ANKRD13C: variants seen among roughly 807,000 people sequenced by gnomAD.
ANKRD13C encodes the protein ankyrin repeat domain 13C.
Under a neutral mutation model 65.5 loss-of-function variants are expected in ANKRD13C, and 16 were observed. That is an observed-to-expected ratio of 0.24 (90% CI 0.17 to 0.37). ANKRD13C has a LOEUF of 0.37. ANKRD13C is among the 10% of genes least tolerant of loss of function. ANKRD13C has a pLI of 1.00. For missense variants in ANKRD13C, 503 were observed against 655.9 expected (o/e 0.77, Z 2.55); for synonymous variants, 235 against 238.7 (o/e 0.98, Z 0.14).
chr1:70,312,846 C>T (rs1397664699), intron 5 of ANKRD13C, among the ~76,000 whole-genome samples: 1 of 149,152 alleles, frequency 6.7e-6, no homozygotes, highest in East Asian at 2.0e-4. Context: ...AGTTTTCTCT[C>T]TAGTGGACTC....
At chr1:70,331,939 A>T (rs1204712843) in intron 2 of ANKRD13C, among the ~76,000 whole-genome samples, 2 of 152,146 alleles carry the variant, frequency 1.3e-5, no homozygotes, top group Admixed American at 1.3e-4. Context: ...CAGACTTTCA[A>T]GTTTGTTTGA....
chr1:70,276,668 T>G (rs1019456076), intron 10 of ANKRD13C, 97 bp downstream of exon 10: 2 of 985,670 alleles, frequency 2.0e-6, no homozygotes, highest in African/African-American at 3.3e-5. Flanking sequence ...CCAATAATTC[T>G]CTCCAAAATA....
chr1:70,311,189 C>A (rs1466758018), intron 5 of ANKRD13C, among the ~76,000 whole-genome samples: 1 of 152,092 alleles, frequency 6.6e-6, no homozygotes, highest in African/African-American at 2.4e-5. Flanking sequence ...AAGATGCCTA[C>A]TATGGGTTGA....
At chr1:70,324,701 C>T in intron 3 of ANKRD13C, 152 bp downstream of exon 3, 1 of 475,928 alleles carries the variant, frequency 2.1e-6, no homozygotes, top group Non-Finnish European at 3.6e-6. Flanking sequence ...ACTCAATGTT[C>T]AAGTTCCTAA....
In ANKRD13C at chr1:70,261,301, T is replaced by G. The variant is rs1678381591; in HGVS notation, c.*1416A>C. 1 of 152,094 alleles carries G rather than the reference T, an allele frequency of 6.6e-6. No homozygotes were observed. The highest frequency in any genetic ancestry group is 6.5e-5 in the Admixed American group (1 of 15,276). The allele number at this position is 152,094 out of a possible 1,614,324, so 9.4% of individuals were successfully genotyped here. ...TATGCTTTGGATTTTTAAATCATAT[T>G]TTCAATAAGGGTCTCTAAACTCCTT... On this transcript the variant is annotated 3_prime_UTR_variant, in exon 13 of 13. Coordinates refer to ENST00000370944, the MANE Select transcript of ANKRD13C (RefSeq NM_030816.5).
At position 70,344,295 on chromosome 1, in the gene ANKRD13C, C is replaced by CAA. The variant is rs1169730172; in HGVS notation, c.431-8198_431-8197dup. On this transcript the variant is annotated intron_variant, in intron 1 of 12. Coordinates refer to ENST00000370944, the MANE Select transcript of ANKRD13C (RefSeq NM_030816.5). ...TGGGCAACAGAGCAAGATTCCATCT[C>CAA]AAAAAAAAAAAAAAAAAATTAGCTG... 6.7e-3 allele frequency among the ~76,000 whole-genome samples: 571 copies of CAA among 85,630 alleles called. 8 individuals carry two copies. The highest frequency in any genetic ancestry group is 0.024 in the African/African-American group (549 of 22,878). The allele number at this position is 85,630 out of a possible 152,430, so 56.2% of individuals were successfully genotyped here.
intron 8 of ANKRD13C, among the ~76,000 whole-genome samples, chr1:70,295,862 T>C (rs185933653): frequency 9.2e-5 from 14 of 152,296 alleles, no homozygotes; most frequent in Admixed American, 5.2e-4. Context: ...TGTGAAAACA[T>C]TGTTCCCTGT....
At chr1:70,346,736 A>C (rs1682540653) in intron 1 of ANKRD13C, among the ~76,000 whole-genome samples, 1 of 152,084 alleles carries the variant, frequency 6.6e-6, no homozygotes, top group South Asian at 2.1e-4. Flanking sequence ...GTTTCCCCCA[A>C]CTATAGTAGC....
In ANKRD13C at chr1:70,303,032, AAGAC is replaced by A. The variant is rs150292121; in HGVS notation, c.777-2128_777-2125del. 5.3e-3 allele frequency among the ~76,000 whole-genome samples: 800 copies of A among 152,292 alleles called. 9 individuals carry two copies. Among genetic ancestry groups the A allele is most frequent in the African/African-American group, 0.019 (773 of 41,568 alleles). ...AGATGCACAGAAAGACAGATAAAGA[AAGAC>A]AAAGACAGACTGACATGGTGACCTT... On this transcript the variant is annotated intron_variant, in intron 6 of 12. Coordinates refer to ENST00000370944, the MANE Select transcript of ANKRD13C (RefSeq NM_030816.5).
chr1:70,354,351 C>G lies in ANKRD13C; in HGVS notation c.58G>C (p.Gly20Arg), dbSNP rs946196088. 1.2e-6 allele frequency: 2 copies of G among 1,614,136 alleles called. No individual in the cohort carries two copies. The highest frequency in any genetic ancestry group is 1.7e-5 in the Admixed American group (1 of 60,026). The change falls in exon 1 of 13, where the codon GGG becomes CGG. Residue 20 changes from glycine to arginine, a missense_variant. Transcript: ENST00000370944. ...TCATCCCCGGGCTCCAGCAGGTCCC[C>G]TTCTTCTTTGCTGGGCTTGTGGTCC... is the stretch of plus-strand genomic sequence containing the variant. ...RRDHKPSKEE[G>R]DLLEPGDEEA...
At chr1:70,285,630 CTTTT>C (rs528594825) in intron 9 of ANKRD13C, among the ~76,000 whole-genome samples, 1 of 133,556 alleles carries the variant, frequency 7.5e-6, no homozygotes, top group Non-Finnish European at 1.6e-5. Context: ...GAGTTAAACA[CTTTT>C]TTTTTTTTTT....
intron 1 of ANKRD13C, among the ~76,000 whole-genome samples, chr1:70,347,374 G>C (rs1317987479): frequency 6.6e-6 from 1 of 151,724 alleles, no homozygotes; most frequent in Admixed American, 6.6e-5. Context: ...CTGTACTCTT[G>C]AATTAAAGTA....
chr1:70,327,460 A>C (rs1681589869), intron 2 of ANKRD13C, among the ~76,000 whole-genome samples: 1 of 152,198 alleles, frequency 6.6e-6, no homozygotes, highest in Admixed American at 6.5e-5. Context: ...GTTGGGCACA[A>C]AGGTGGGGAA....
chr1:70,328,329 T>C (rs2101555679), intron 2 of ANKRD13C, among the ~76,000 whole-genome samples: 1 of 152,314 alleles, frequency 6.6e-6, no homozygotes, highest in Admixed American at 6.5e-5. Context: ...AGAATTCATC[T>C]GCTCAACACA....
chr1:70,321,607 C>T (rs1463136846), intron 3 of ANKRD13C, among the ~76,000 whole-genome samples: 1 of 152,012 alleles, frequency 6.6e-6, no homozygotes, highest in Non-Finnish European at 1.5e-5. Context: ...CATAAAGAAA[C>T]CAGAGCTGTC....
At chr1:70,343,714 G>GA (rs1682408499) in intron 1 of ANKRD13C, among the ~76,000 whole-genome samples, 1 of 152,128 alleles carries the variant, frequency 6.6e-6, no homozygotes, top group Non-Finnish European at 1.5e-5. Context: ...TGTATTTTTA[G>GA]TAGGGATGGA....
intron 9 of ANKRD13C, among the ~76,000 whole-genome samples, chr1:70,282,855 T>C (rs1679458407): frequency 6.6e-6 from 1 of 152,182 alleles, no homozygotes; most frequent in Non-Finnish European, 1.5e-5. Flanking sequence ...CTCTATCTAT[T>C]AATATTTTAA....
Position 70,268,699 on chromosome 1 carries a change from GA to G in ANKRD13C, c.1495+2156del, listed in dbSNP as rs1315718287. On this transcript the variant is annotated intron_variant, in intron 12 of 12. Coordinates refer to ENST00000370944, the MANE Select transcript of ANKRD13C (RefSeq NM_030816.5). ...AATCATCTGCGCTTAGGTTGTAGGA[GA>G]AAGTGGTGGGGGAGGATGAAGATTT... is the stretch of plus-strand genomic sequence containing the variant. 7.9e-5 allele frequency among the ~76,000 whole-genome samples: 12 copies of G among 152,242 alleles called. No individual in the cohort carries two copies. The East Asian group carries it at 2.3e-3, about 29-fold the overall frequency.
chr1:70,319,607 C>CAAAAAAAAAAAA (rs1180827448), intron 3 of ANKRD13C, among the ~76,000 whole-genome samples: 10 of 121,162 alleles, frequency 8.3e-5, no homozygotes, highest in African/African-American at 2.9e-4. Context: ...AACTCCATCT[C>CAAAAAAAAAAAA]AAAAAAAAAA....
Sources: allele counts gnomAD v4.1 joint callset (sites outside exome capture counted in the v4.1 genomes callset), GRCh38; gene constraint gnomAD v4.1.1; transcripts MANE v1.5; gene names NCBI Gene and HGNC (gene_info 2026-07-23, HGNC 2026-07-21).